Variants in STRADA observed in about 807,000 individuals in gnomAD.
STRADA encodes the protein STE20-related kinase adapter protein alpha.
STRADA carries 26 observed loss-of-function variants against 55.0 expected under a neutral mutation model. The observed-to-expected ratio is 0.47, with a 90% CI of 0.35 to 0.66. STRADA has a LOEUF of 0.66. Ranked by LOEUF, STRADA falls within the 30% of genes least tolerant of loss-of-function variation. The pLI, the probability that STRADA is intolerant of heterozygous loss-of-function variation, is 0.01. For synonymous variants in STRADA, 197 were observed against 210.9 expected (o/e 0.93, Z 0.57); for missense variants, 443 against 549.7 (o/e 0.81, Z 1.94).
intron 6 of STRADA, among the ~76,000 whole-genome samples, chr17:63,711,339 G>A (rs771173719): frequency 1.3e-5 from 2 of 151,534 alleles, no homozygotes; most frequent in Non-Finnish European, 2.9e-5. Context: ...CACTGCACCT[G>A]GCCAAAAATG....
At chr17:63,719,539 A>C (rs1168385314) in intron 4 of STRADA, among the ~76,000 whole-genome samples, 1 of 151,416 alleles carries the variant, frequency 6.6e-6, no homozygotes, top group Non-Finnish European at 1.5e-5. Context: ...GCTGGAGTGC[A>C]ATGGCGCGAT....
At position 63,703,459 on chromosome 17, in the gene STRADA, CA is replaced by C. The variant is rs2035851136; in HGVS notation, c.*139del. 1 of 782,438 alleles carries C rather than the reference CA, an allele frequency of 1.3e-6. No individual in the cohort carries two copies. The highest frequency in any genetic ancestry group is 2.0e-6 in the Non-Finnish European group (1 of 495,284). The allele number at this position is 782,438 out of a possible 1,614,324, so 48.5% of individuals were successfully genotyped here. On this transcript the variant is annotated 3_prime_UTR_variant, in exon 13 of 13. Coordinates refer to ENST00000336174, the MANE Select transcript of STRADA (RefSeq NM_001003787.4). ...TCTCTCCAGGATTTTCTTTCCCAAT[CA>C]GTCAGCAGTCAACTTTCCTGGAAGA...
At chr17:63,725,213 C>T (rs1213889756) in intron 3 of STRADA, among the ~76,000 whole-genome samples, 1 of 152,118 alleles carries the variant, frequency 6.6e-6, no homozygotes, top group Non-Finnish European at 1.5e-5. Context: ...GCTTGAGCGA[C>T]AGAGCGAGAC....
chr17:63,708,200 C>G (rs887922630), intron 8 of STRADA, among the ~76,000 whole-genome samples: 3 of 150,778 alleles, frequency 2.0e-5, no homozygotes, highest in South Asian at 2.1e-4. Context: ...GTTTTTTGTT[C>G]TTGTTGTTGT....
chr17:63,707,552 T>C (rs542705176), intron 8 of STRADA, 134 bp from the exon 9 acceptor site: 18 of 769,734 alleles, frequency 2.3e-5, no homozygotes, highest in Admixed American at 1.1e-4. Flanking sequence ...ATTTTACATA[T>C]ACATAACCAT....
At chr17:63,715,430 CGT>C (rs751134629) in intron 4 of STRADA, 6 of 152,244 alleles carry the variant, frequency 3.9e-5, no homozygotes, top group Non-Finnish European at 8.8e-5. Context: ...TGACGTTTCA[CGT>C]GTATCTGGTT....
At chr17:63,728,238 G>T in intron 2 of STRADA, 96 bp downstream of exon 2, 1 of 1,166,184 alleles carries the variant, frequency 8.6e-7, no homozygotes, top group Admixed American at 1.9e-5. Context: ...GTATCATTCC[G>T]ACCCTCACGT....
At chr17:63,728,238 G>A (rs747348403) in intron 2 of STRADA, 96 bp downstream of exon 2, 31 of 1,166,080 alleles carry the variant, frequency 2.7e-5, no homozygotes, top group Middle Eastern at 3.9e-4. Flanking sequence ...GTATCATTCC[G>A]ACCCTCACGT....
At chr17:63,740,105 T>TATATATAC (rs1354662253) in intron 1 of STRADA, among the ~76,000 whole-genome samples, 6 of 56,666 alleles carry the variant, frequency 1.1e-4, no homozygotes, top group African/African-American at 5.8e-4. Flanking sequence ...TATATATATA[T>TATATATAC]ATACATACAT....
intron 4 of STRADA, among the ~76,000 whole-genome samples, chr17:63,718,372 C>G (rs1045819201): frequency 5.9e-5 from 9 of 152,180 alleles, no homozygotes; most frequent in African/African-American, 2.2e-4. Flanking sequence ...AAGCCTCAAG[C>G]AAGAGTTCTG....
At chr17:63,710,948 C>G in intron 6 of STRADA, 112 bp from the exon 7 acceptor site, 1 of 967,490 alleles carries the variant, frequency 1.0e-6, no homozygotes, top group Non-Finnish European at 1.6e-6. Context: ...TGGGTGTTCT[C>G]AGAGTCATGG....
chr17:63,710,941 G>A, intron 6 of STRADA, 105 bp from the exon 7 acceptor site: 2 of 1,032,744 alleles, frequency 1.9e-6, no homozygotes, highest in Non-Finnish European at 2.9e-6. Flanking sequence ...CACTTTCTGG[G>A]TGTTCTCAGA....
Position 63,704,380 on chromosome 17 carries a change from T to C in STRADA, c.1061A>G (p.His354Arg). ...YHRTFSPHFHHFVEQCLQRNP... is the reference protein window; with the variant it reads ...YHRTFSPHFHRFVEQCLQRNP... ...GCGCTGAAGGCACTGCTCCACAAAG[T>C]GGTGGAAGTGGGGGGAGAAGGTTCG... Residue 354 changes from histidine (H) to arginine (R), a missense_variant, in exon 11 of 13, where the codon CAC (histidine) becomes CGC (arginine). Transcript: ENST00000336174. 6.3e-7 allele frequency: 1 copy of C among 1,599,550 alleles called. No homozygotes were observed. The highest frequency in any genetic ancestry group is 8.5e-7 in the Non-Finnish European group (1 of 1,174,704).
intron 4 of STRADA, among the ~76,000 whole-genome samples, chr17:63,716,373 G>A (rs1424742073): frequency 5.3e-5 from 8 of 152,084 alleles, no homozygotes; most frequent in Admixed American, 5.2e-4. Context: ...TAACATTACA[G>A]GCATGAGCCA....
intron 1 of STRADA, among the ~76,000 whole-genome samples, chr17:63,739,984 T>TTTCAAAC (rs1207053502): frequency 4.8e-5 from 7 of 146,144 alleles, no homozygotes; most frequent in Non-Finnish European, 1.0e-4. Flanking sequence ...CTGTTCCTGG[T>TTTCAAAC]TTCAAACTCC....
At position 63,723,317 on chromosome 17, in the gene STRADA, G is replaced by A. The variant is rs143559168; in HGVS notation, c.104C>T (p.Pro35Leu). ...RDLELFGEQPPGDTRRKTNDA... is the reference protein window; with the variant it reads ...RDLELFGEQPLGDTRRKTNDA... ...ACTTACTTTTCTCCGAGTGTCACCC[G>A]GAGGCTGCTCTGGGGTAGAGAAATT... The change falls in exon 4 of 13, where the codon CCG becomes CTG. Residue 35 changes from proline to leucine, a missense_variant. Coordinates refer to ENST00000336174, the MANE Select transcript of STRADA (RefSeq NM_001003787.4). 1,398 of 1,614,164 alleles carry A rather than the reference G, an allele frequency of 8.7e-4. 4 individuals are homozygous for A. Among genetic ancestry groups the A allele is most frequent in the African/African-American group, 4.8e-3 (358 of 75,034 alleles).
chr17:63,716,754 G>C (rs899419877), intron 4 of STRADA, among the ~76,000 whole-genome samples: 1 of 152,212 alleles, frequency 6.6e-6, no homozygotes, highest in Non-Finnish European at 1.5e-5. Flanking sequence ...AAATTCTGTA[G>C]TAAGAAAACT....
chr17:63,740,147 TACAC>T lies in STRADA; in HGVS notation c.-45+1590_-45+1593del, dbSNP rs57585655. Among the ~76,000 whole-genome samples, 404 of 66,960 alleles carry T rather than the reference TACAC, an allele frequency of 6.0e-3. 18 individuals carry two copies. The highest frequency in any genetic ancestry group is 0.023 in the African/African-American group (336 of 14,478). The allele number at this position is 66,960 out of a possible 152,430, so 43.9% of individuals were successfully genotyped here. A position where few individuals can be genotyped will look rare whatever the true frequency, so the allele number is the denominator to read the frequency against. On this transcript the variant is annotated intron_variant, in intron 1 of 12. Transcript: ENST00000336174. ...ATATATACACATACATATATATATA[TACAC>T]ACACACACACACACACACACACACA... is the stretch of plus-strand genomic sequence containing the variant.
chr17:63,726,481 T>G (rs1190547667), intron 3 of STRADA, 157 bp downstream of exon 3: 3 of 661,490 alleles, frequency 4.5e-6, no homozygotes, highest in Non-Finnish European at 7.3e-6. Context: ...CTTCAAATCT[T>G]TGGGAAACCA....
Sources: allele counts gnomAD v4.1 joint callset (sites outside exome capture counted in the v4.1 genomes callset), GRCh38; gene constraint gnomAD v4.1.1; transcripts MANE v1.5; gene names NCBI Gene and HGNC (gene_info 2026-07-23, HGNC 2026-07-21).